Variants in PLEKHG7 observed in about 807,000 individuals in gnomAD.
PLEKHG7 encodes the protein pleckstrin homology domain-containing family G member 7.
PLEKHG7 carries 77 observed loss-of-function variants against 85.2 expected under a neutral mutation model. That is an observed-to-expected ratio of 0.90 (90% CI 0.75 to 1.09). PLEKHG7 has a LOEUF of 1.09. Ranked by LOEUF, PLEKHG7 falls within the 50% of genes least tolerant of loss-of-function variation. PLEKHG7 has a pLI of 0.00. For synonymous variants in PLEKHG7, 301 were observed against 302.4 expected (o/e 1.00, Z 0.05); for missense variants, 777 against 804.3 (o/e 0.97, Z 0.41).
intron 10 of PLEKHG7, among the ~76,000 whole-genome samples, chr12:92,749,289 T>TTATG (rs1259762928): frequency 6.6e-6 from 1 of 151,548 alleles, no homozygotes; most frequent in Non-Finnish European, 1.5e-5. Context: ...ATTAATTTAT[T>TTATG]TATGTATTTA....
chr12:92,707,584 G>C, intron 2 of PLEKHG7, 66 bp from the exon 3 acceptor site: 2 of 1,582,540 alleles, frequency 1.3e-6, no homozygotes, highest in South Asian at 2.3e-5. Context: ...CTTTCAACAT[G>C]TTTGCTTTGG....
chr12:92,722,136 C>T (rs750487247), intron 3 of PLEKHG7, among the ~76,000 whole-genome samples: 6 of 151,998 alleles, frequency 3.9e-5, no homozygotes, highest in Non-Finnish European at 8.8e-5. Context: ...CTGCACCCAC[C>T]GTGAGACCTA....
intron 3 of PLEKHG7, among the ~76,000 whole-genome samples, chr12:92,715,690 C>T (rs1228798371): frequency 8.2e-6 from 1 of 121,364 alleles, no homozygotes; most frequent in Non-Finnish European, 1.6e-5. Context: ...GCCCCACTGT[C>T]TATCTAAGAG....
At chr12:92,748,792 G>T (rs143817661) in intron 10 of PLEKHG7, among the ~76,000 whole-genome samples, 330 of 152,308 alleles carry the variant, frequency 2.2e-3, no homozygotes, top group African/African-American at 7.3e-3. Context: ...TTGGGGCTAT[G>T]ACCCATCACC....
chr12:92,747,050 G>A (rs1040974072), intron 10 of PLEKHG7, among the ~76,000 whole-genome samples: 17 of 152,108 alleles, frequency 1.1e-4, no homozygotes, highest in Admixed American at 1.3e-4. Flanking sequence ...TAAACTAAAC[G>A]GCTCCTGCAC....
intron 3 of PLEKHG7, among the ~76,000 whole-genome samples, chr12:92,718,531 GA>G (rs1176831495): frequency 6.6e-6 from 1 of 152,152 alleles, no homozygotes; most frequent in Non-Finnish European, 1.5e-5. Flanking sequence ...GAAAGAAAAA[GA>G]AAAGAAAAAG....
At chr12:92,753,904 A>G (rs1422253079) in intron 10 of PLEKHG7, among the ~76,000 whole-genome samples, 186 bp from the exon 11 acceptor site, 1 of 152,258 alleles carries the variant, frequency 6.6e-6, no homozygotes, top group African/African-American at 2.4e-5. Flanking sequence ...ACATCTTATC[A>G]CTACTGCTAA....
chr12:92,719,465 C>T (rs11106686), intron 3 of PLEKHG7, among the ~76,000 whole-genome samples: 53 of 152,108 alleles, frequency 3.5e-4, no homozygotes, highest in African/African-American at 1.2e-3. Flanking sequence ...CTCTTACTAC[C>T]AGACAAGGAC....
rs1555194873 is a variant in PLEKHG7 at position 92,727,962 on chromosome 12, GTATA to G, written c.531-1020_531-1017del. On this transcript the variant is annotated intron_variant, in intron 3 of 16. Transcript: ENST00000344636. Reference sequence around the variant, plus strand: ...TGTGTGTGTGTGTGTGTGTGTGTGTGTATATATATATATACACATATATACACAC... The same window carrying G: ...TGTGTGTGTGTGTGTGTGTGTGTGTGTATATATATACACATATATACACAC... Among the ~76,000 whole-genome samples, 8 of 96,546 alleles carry G rather than the reference GTATA, an allele frequency of 8.3e-5. 1 individual carries two copies. Among genetic ancestry groups the G allele is most frequent in the African/African-American group, 2.8e-4 (7 of 24,688 alleles). 63.3% of individuals were successfully genotyped at this position (96,546 alleles called of 152,430 possible).
At chr12:92,756,457 T>A in intron 13 of PLEKHG7, 66 bp downstream of exon 13, 1 of 1,234,100 alleles carries the variant, frequency 8.1e-7, no homozygotes, top group Admixed American at 1.7e-5. Context: ...TGACTGCCAG[T>A]AATTGAAGAG....
intron 9 of PLEKHG7, among the ~76,000 whole-genome samples, chr12:92,744,078 T>C (rs1872447889): frequency 6.6e-6 from 1 of 152,232 alleles, no homozygotes; most frequent in African/African-American, 2.4e-5. Context: ...TTTTGTCTTC[T>C]AAGGTCCTAT....
chr12:92,733,089 A>G (rs550342604), intron 5 of PLEKHG7, among the ~76,000 whole-genome samples: 1 of 152,306 alleles, frequency 6.6e-6, no homozygotes, highest in Non-Finnish European at 1.5e-5. Context: ...TTCTATGGAC[A>G]CACACACCTT....
chr12:92,758,225 C>T lies in PLEKHG7; in HGVS notation c.1636+1834C>T, dbSNP rs573681126. The stretch of plus-strand genomic sequence containing the variant: ...TTGGTTCACTCCTTCCCTCTTCCTA[C>T]CTACCTCCCAATACTGCAAGATGCA... On this transcript the variant is annotated intron_variant, in intron 13 of 16. Transcript: ENST00000344636. Among the ~76,000 whole-genome samples, 3 of 152,328 alleles carry T rather than the reference C, an allele frequency of 2.0e-5. No homozygotes were observed. The South Asian group carries it at 6.2e-4, about 32-fold the overall frequency.
Position 92,749,907 on chromosome 12 carries a change from A to T in PLEKHG7, c.1252-4183A>T, listed in dbSNP as rs866210454. On this transcript the variant is annotated intron_variant, in intron 10 of 16. Coordinates refer to ENST00000344636, the MANE Select transcript of PLEKHG7 (RefSeq NM_001377329.1). ...TTTTTATTTTATTTTATTTTATTTC[A>T]TTTATTTTATTTTATTTTATTTATT... 1.7e-3 allele frequency among the ~76,000 whole-genome samples: 208 copies of T among 124,250 alleles called. 1 individual carries two copies. Among genetic ancestry groups the T allele is most frequent in the African/African-American group, 5.7e-3 (186 of 32,390 alleles). 81.5% of individuals were successfully genotyped at this position (124,250 alleles called of 152,430 possible).
rs1871128887 is a variant in PLEKHG7 at position 92,703,146 on chromosome 12, C to T, written c.-162+14C>T. On this transcript the variant is annotated intron_variant, in intron 1 of 16. Coordinates refer to ENST00000344636, the MANE Select transcript of PLEKHG7 (RefSeq NM_001377329.1). ...ACCATCTTACAGGTATTAAAGGCAA[C>T]ATTCAGCTGCTTTCTGGGTTTCTCT... is the stretch of plus-strand genomic sequence containing the variant. 1 of 152,326 alleles carries T rather than the reference C, an allele frequency of 6.6e-6. No individual in the cohort carries two copies. The highest frequency in any genetic ancestry group is 2.4e-5 in the African/African-American group (1 of 41,452). 9.4% of individuals were successfully genotyped at this position (152,326 alleles called of 1,614,324 possible). A position where few individuals can be genotyped will look rare whatever the true frequency, so the allele number is the denominator to read the frequency against.
intron 11 of PLEKHG7, among the ~76,000 whole-genome samples, 157 bp from the exon 12 acceptor site, chr12:92,755,668 A>G (rs1398428381): frequency 6.6e-6 from 1 of 152,368 alleles, no homozygotes; most frequent in Middle Eastern, 3.4e-3. Flanking sequence ...GTTTTCTAAG[A>G]CGCATGAACA....
At chr12:92,741,786 A>G (rs548126049) in intron 9 of PLEKHG7, among the ~76,000 whole-genome samples, 194 bp downstream of exon 9, 2 of 152,332 alleles carry the variant, frequency 1.3e-5, no homozygotes, top group Admixed American at 1.3e-4. Flanking sequence ...CCATTGCCAC[A>G]TCTCCTGTGT....
intron 12 of PLEKHG7, 46 bp from the exon 13 acceptor site, chr12:92,756,252 C>G: frequency 7.1e-7 from 1 of 1,416,838 alleles, no homozygotes; most frequent in Admixed American, 1.7e-5. Context: ...ATGTTCTCTT[C>G]CAATCACTAA....
chr12:92,742,695 C>T (rs532934356), intron 9 of PLEKHG7, among the ~76,000 whole-genome samples: 14 of 151,334 alleles, frequency 9.3e-5, no homozygotes, highest in African/African-American at 3.4e-4. Flanking sequence ...AAGAGATTCT[C>T]ATGCCTCAGC....
Sources: allele counts gnomAD v4.1 joint callset (sites outside exome capture counted in the v4.1 genomes callset), GRCh38; gene constraint gnomAD v4.1.1; transcripts MANE v1.5; gene names NCBI Gene and HGNC (gene_info 2026-07-23, HGNC 2026-07-21).